Variants in OR14I1 observed in about 807,000 individuals in gnomAD.
OR14I1 encodes the protein olfactory receptor 14I1.
For synonymous variants in OR14I1, 118 were observed against 71.1 expected (o/e 1.66, Z -3.32); for missense variants, 279 against 181.8 (o/e 1.53, Z -3.07).
the OR14I1 span, among the ~76,000 whole-genome samples, chr1:248,701,126 A>G: frequency 2.0e-5 from 3 of 152,224 alleles, no homozygotes; most frequent in Non-Finnish European, 4.4e-5. Context: ...ACTTTTTACA[A>G]GACAAACAAT....
At chr1:248,689,739 C>T in the OR14I1 span, among the ~76,000 whole-genome samples, 1 of 152,192 alleles carries the variant, frequency 6.6e-6, no homozygotes, top group Non-Finnish European at 1.5e-5. Flanking sequence ...TAATAGACGT[C>T]TACAGAACTC....
chr1:248,697,477 TAA>T, the OR14I1 span, among the ~76,000 whole-genome samples: 4,181 of 127,606 alleles, frequency 0.033, 166 homozygotes, highest in African/African-American at 0.096. Flanking sequence ...TGGTTAGGTT[TAA>T]AAAAAAAAAA....
chr1:248,696,791 TC>T, the OR14I1 span, among the ~76,000 whole-genome samples: 1 of 152,356 alleles, frequency 6.6e-6, no homozygotes, highest in South Asian at 2.1e-4. Context: ...CATATTTTTT[TC>T]TTCTTTGTTT....
At chr1:248,697,153 T>C in the OR14I1 span, 1 of 152,314 alleles carries the variant, frequency 6.6e-6, no homozygotes, top group Non-Finnish European at 1.5e-5. Context: ...AGAACTCAAA[T>C]GGTGTGCAGC....
At chr1:248,679,560 A>C (rs936555003), downstream of OR14I1, among the ~76,000 whole-genome samples, 5 of 152,168 alleles carry the variant, frequency 3.3e-5, no homozygotes, top group Non-Finnish European at 7.4e-5. Context: ...TCTTTCATTA[A>C]GTGATGAGTC....
upstream of OR14I1, among the ~76,000 whole-genome samples, chr1:248,684,807 A>G (rs1399623840): frequency 2.7e-5 from 4 of 150,096 alleles, no homozygotes; most frequent in African/African-American, 5.0e-5. Flanking sequence ...CTTGTATAAA[A>G]CAGTTACTGG....
upstream of OR14I1, among the ~76,000 whole-genome samples, chr1:248,682,701 A>G (rs1378616367): frequency 6.6e-6 from 1 of 152,204 alleles, no homozygotes; most frequent in Non-Finnish European, 1.5e-5. Context: ...TGCTTTTCAT[A>G]CAAGTTTCTG....
At chr1:248,682,373 G>T (rs979617046), upstream of OR14I1, 77 of 658,278 alleles carry the variant, frequency 1.2e-4, no homozygotes, top group African/African-American at 1.3e-3. Context: ...GACAAAAAGT[G>T]AACACAGTGT....
At chr1:248,679,144 G>C (rs957128608), downstream of OR14I1, among the ~76,000 whole-genome samples, 1 of 152,106 alleles carries the variant, frequency 6.6e-6, no homozygotes, top group Non-Finnish European at 1.5e-5. Flanking sequence ...AGGGGCTCTG[G>C]ATCAAGAAAA....
the OR14I1 span, among the ~76,000 whole-genome samples, chr1:248,695,481 C>A: frequency 6.6e-6 from 1 of 152,132 alleles, no homozygotes. Context: ...GATCCACCTG[C>A]GTCTGCCTCC....
chr1:248,701,824 G>T, the OR14I1 span, among the ~76,000 whole-genome samples: 1 of 152,146 alleles, frequency 6.6e-6, no homozygotes, highest in African/African-American at 2.4e-5. Context: ...AGGTCTCAAA[G>T]ACCCTGTGTT....
At chr1:248,699,644 A>T in the OR14I1 span, among the ~76,000 whole-genome samples, 140 of 152,312 alleles carry the variant, frequency 9.2e-4, no homozygotes, top group African/African-American at 3.1e-3. Context: ...CAGTGGACTC[A>T]CTGAGCTGAG....
chr1:248,695,228 C>CTTTTTGT, the OR14I1 span, among the ~76,000 whole-genome samples: 163 of 96,682 alleles, frequency 1.7e-3, 1 homozygote, highest in African/African-American at 6.5e-3. Flanking sequence ...TGAATGTATG[C>CTTTTTGT]TTTTTTTTTT....
upstream of OR14I1, among the ~76,000 whole-genome samples, chr1:248,684,100 T>C (rs1428529216): frequency 6.6e-6 from 1 of 152,038 alleles, no homozygotes; most frequent in Admixed American, 6.5e-5. Flanking sequence ...ATATTTACAA[T>C]GAAAATGACA....
the OR14I1 span, among the ~76,000 whole-genome samples, chr1:248,698,266 CAGA>C: frequency 6.6e-6 from 1 of 152,170 alleles, no homozygotes; most frequent in Non-Finnish European, 1.5e-5. Context: ...ATTGACACTG[CAGA>C]AGAAGTAAGA....
chr1:248,691,439 G>T, the OR14I1 span, among the ~76,000 whole-genome samples: 1 of 152,228 alleles, frequency 6.6e-6, no homozygotes, highest in African/African-American at 2.4e-5. Flanking sequence ...TCCCGTCAGA[G>T]AATTAAGTAT....
the OR14I1 span, among the ~76,000 whole-genome samples, chr1:248,688,370 T>G: frequency 6.6e-6 from 1 of 152,252 alleles, no homozygotes; most frequent in Non-Finnish European, 1.5e-5. Context: ...CAAATGGAGA[T>G]TCCCTTTAGG....
the OR14I1 span, among the ~76,000 whole-genome samples, chr1:248,690,638 G>A: frequency 8.4e-5 from 4 of 47,600 alleles, no homozygotes; most frequent in South Asian, 2.5e-3. Flanking sequence ...AGGAACAGAC[G>A]GATTCACAGA....
chr1:248,683,377 A>G (rs763055506), upstream of OR14I1, among the ~76,000 whole-genome samples: 1 of 152,218 alleles, frequency 6.6e-6, no homozygotes, highest in Non-Finnish European at 1.5e-5. Context: ...CATGACTCAA[A>G]TATTCTCACT....
Sources: gnomAD v4.1 joint callset for allele counts (sites outside exome capture counted in the v4.1 genomes callset) on GRCh38, gnomAD v4.1.1 for gene constraint, MANE v1.5 for transcripts, NCBI Gene and HGNC (gene_info 2026-07-23, HGNC 2026-07-21) for gene names.